Variants in GALNT13 observed in about 807,000 individuals in gnomAD.
GALNT13 encodes UDP-GalNAc:polypeptide N-acetylgalactosaminyltransferase 13.
GALNT13 carries 28 observed loss-of-function variants against 64.2 expected under a neutral mutation model. That is an observed-to-expected ratio of 0.44 (90% CI 0.32 to 0.60). GALNT13 has a LOEUF of 0.60. Among genes scored for constraint, GALNT13 ranks in the 20% least tolerant of loss-of-function variants. The pLI is 0.05. For synonymous variants in GALNT13, 214 were observed against 224.6 expected, an observed-to-expected ratio of 0.95 and a Z score of 0.42; for missense variants, 577 against 669.8, an observed-to-expected ratio of 0.86 and a Z score of 1.53.
chr2:153,517,653 G>A, the GALNT13 span, among the ~76,000 whole-genome samples: 1 of 152,022 alleles, frequency 6.6e-6, no homozygotes, highest in Non-Finnish European at 1.5e-5. Flanking sequence ...TAAGTAAATG[G>A]GAGCTACAGA....
At chr2:153,844,018 G>T in the GALNT13 span, among the ~76,000 whole-genome samples, 1 of 152,142 alleles carries the variant, frequency 6.6e-6, no homozygotes. Flanking sequence ...GCTTTTCCAG[G>T]AATAAGTGCA....
At chr2:153,632,114 T>C in the GALNT13 span, among the ~76,000 whole-genome samples, 5 of 152,192 alleles carry the variant, frequency 3.3e-5, no homozygotes, top group East Asian at 7.7e-4. Flanking sequence ...CTTACTGATA[T>C]GCTTCCAGAT....
At chr2:154,127,571 A>T (rs556615804) in intron 3 of GALNT13, among the ~76,000 whole-genome samples, 230 of 151,848 alleles carry the variant, frequency 1.5e-3, no homozygotes, top group Non-Finnish European at 2.3e-3. Context: ...ATCAAATATT[A>T]TAAAACAAAA....
At position 154,441,378 on chromosome 2, in the gene GALNT13, A is replaced by T. The variant is rs1245227036; in HGVS notation, c.1530+2652A>T. Among the ~76,000 whole-genome samples the T allele has an allele frequency of 2.6e-5, 4 of 152,230 alleles. No homozygotes were observed. In the East Asian group the frequency reaches 5.8e-4, roughly 22 times the overall value. On this transcript the variant is annotated intron_variant, in intron 12 of 12. Coordinates refer to ENST00000392825, the MANE Select transcript of GALNT13 (RefSeq NM_052917.4). ...TAAATGCGCACTGCTTACTACTTTAACTCAATTCTTTATCTTTTGCTGGCA... is the reference window on the plus strand; with the variant it reads ...TAAATGCGCACTGCTTACTACTTTATCTCAATTCTTTATCTTTTGCTGGCA...
intron 9 of GALNT13, among the ~76,000 whole-genome samples, chr2:154,348,002 T>C (rs1185619934): frequency 1.3e-5 from 2 of 152,210 alleles, no homozygotes. Context: ...AATGATTCTG[T>C]AATAACCACT....
the GALNT13 span, among the ~76,000 whole-genome samples, chr2:153,749,095 C>T: frequency 1.3e-5 from 2 of 151,920 alleles, no homozygotes; most frequent in Non-Finnish European, 2.9e-5. Flanking sequence ...TGACTTTTCC[C>T]TAGTTTATGT....
At chr2:154,268,472 A>G (rs1691142789) in intron 8 of GALNT13, among the ~76,000 whole-genome samples, 1 of 152,138 alleles carries the variant, frequency 6.6e-6, no homozygotes, top group Non-Finnish European at 1.5e-5. Context: ...TTTAGTGGTA[A>G]TGTATGTATT....
At chr2:153,444,215 A>G in the GALNT13 span, among the ~76,000 whole-genome samples, 1 of 151,960 alleles carries the variant, frequency 6.6e-6, no homozygotes, top group African/African-American at 2.4e-5. Context: ...CTACCTACCT[A>G]CTTGCCTACC....
At chr2:153,940,266 T>C (rs1691242229) in intron 2 of GALNT13, among the ~76,000 whole-genome samples, 1 of 150,836 alleles carries the variant, frequency 6.6e-6, no homozygotes. Flanking sequence ...TTGTCTTTTT[T>C]TTTTTTTTTT....
the GALNT13 span, among the ~76,000 whole-genome samples, chr2:153,768,993 A>G: frequency 6.6e-6 from 1 of 152,146 alleles, no homozygotes; most frequent in Non-Finnish European, 1.5e-5. Flanking sequence ...AGCTGTCTTT[A>G]GTCATTACAC....
At chr2:153,730,614 C>G in the GALNT13 span, among the ~76,000 whole-genome samples, 1 of 151,748 alleles carries the variant, frequency 6.6e-6, no homozygotes, top group Non-Finnish European at 1.5e-5. Context: ...AACATACAAT[C>G]TACAGAAGGG....
chr2:153,593,002 CA>C, the GALNT13 span: 1 of 152,372 alleles, frequency 6.6e-6, no homozygotes, highest in Non-Finnish European at 1.5e-5. Context: ...GCCAGAGGAG[CA>C]GGGGATAAAG....
At chr2:154,323,086 T>C (rs1371465372) in intron 9 of GALNT13, among the ~76,000 whole-genome samples, 2 of 151,748 alleles carry the variant, frequency 1.3e-5, no homozygotes, top group East Asian at 3.9e-4. Context: ...TCTCAGAAAT[T>C]CTAAAATGAC....
chr2:153,561,984 T>C, the GALNT13 span, among the ~76,000 whole-genome samples: 1 of 126,182 alleles, frequency 7.9e-6, no homozygotes, highest in East Asian at 2.4e-4. Flanking sequence ...CAATTTTTAG[T>C]GTTTCACACT....
intron 2 of GALNT13, among the ~76,000 whole-genome samples, chr2:153,931,066 A>AGAGTGTGT (rs145885884): frequency 1.4e-5 from 2 of 138,174 alleles, no homozygotes; most frequent in East Asian, 4.5e-4. Flanking sequence ...TGTATTCCTA[A>AGAGTGTGT]GTGTGTGTGT....
the GALNT13 span, among the ~76,000 whole-genome samples, chr2:153,848,660 C>T: frequency 1.3e-5 from 2 of 151,826 alleles, no homozygotes; most frequent in African/African-American, 4.8e-5. Flanking sequence ...ACAGATCTTA[C>T]AGGTAATAGA....
the GALNT13 span, among the ~76,000 whole-genome samples, chr2:153,223,593 A>G: frequency 6.6e-6 from 1 of 152,198 alleles, no homozygotes; most frequent in African/African-American, 2.4e-5. Context: ...AGGTGAGTCA[A>G]AGGAGGCTCA....
chr2:153,542,808 C>T, the GALNT13 span, among the ~76,000 whole-genome samples: 1 of 152,300 alleles, frequency 6.6e-6, no homozygotes, highest in Non-Finnish European at 1.5e-5. Context: ...TCAAGACCAA[C>T]AGATTTGGTG....
At chr2:153,366,447 C>A in the GALNT13 span, among the ~76,000 whole-genome samples, 28 of 151,540 alleles carry the variant, frequency 1.8e-4, no homozygotes, top group South Asian at 5.4e-3. Flanking sequence ...GAAAGAAGGA[C>A]AACAGAAATT....
Sources: allele counts gnomAD v4.1 joint callset (sites outside exome capture counted in the v4.1 genomes callset), GRCh38; gene constraint gnomAD v4.1.1; transcripts MANE v1.5; gene names NCBI Gene and HGNC (gene_info 2026-07-23, HGNC 2026-07-21).